The following LGSN variants were observed in gnomAD, a reference collection of about 807,000 sequenced individuals.
The protein encoded by LGSN is lengsin, lens protein with glutamine synthetase domain, also known as lengsin.
In LGSN, 21 loss-of-function variants were observed where a neutral mutation model predicts 19.5. The ratio of observed to expected loss-of-function variants is 1.07; its 90% CI spans 0.76 to 1.55. The LOEUF (loss-of-function observed/expected upper bound fraction) is 1.55, where lower values mean the gene tolerates loss of function less well. LGSN is among the 40% of genes most tolerant of loss of function. LGSN has a pLI of 0.00. For missense variants in LGSN, 673 were observed against 608.5 expected, an observed-to-expected ratio of 1.11 and a Z score of -1.12; for synonymous variants, 257 against 215.6, an observed-to-expected ratio of 1.19 and a Z score of -1.68.
intron 2 of LGSN, among the ~76,000 whole-genome samples, chr6:63,292,155 T>C (rs934811721): frequency 6.6e-6 from 1 of 152,162 alleles, no homozygotes; most frequent in South Asian, 2.1e-4. Flanking sequence ...AACTTGTAAA[T>C]GTACTGTTGC....
At chr6:63,480,940 G>GAGATATATATAT in the LGSN span, among the ~76,000 whole-genome samples, 209 of 59,812 alleles carry the variant, frequency 3.5e-3, 14 homozygotes, top group South Asian at 6.0e-3. Context: ...TAAAGAAAAT[G>GAGATATATATAT]ATATATATAT....
the LGSN span, among the ~76,000 whole-genome samples, chr6:63,435,843 TTTTC>T: frequency 1.1e-4 from 16 of 151,358 alleles, no homozygotes; most frequent in African/African-American, 3.9e-4. Flanking sequence ...TTCACGAAAG[TTTTC>T]TTTCAGTTTT....
At chr6:63,403,401 AG>A in the LGSN span, among the ~76,000 whole-genome samples, 508 of 152,244 alleles carry the variant, frequency 3.3e-3, 5 homozygotes, top group African/African-American at 0.012. Context: ...AACAGAATTT[AG>A]GGGGAAATTT....
the LGSN span, among the ~76,000 whole-genome samples, chr6:63,413,659 T>A: frequency 1.3e-5 from 2 of 152,210 alleles, no homozygotes; most frequent in Non-Finnish European, 2.9e-5. Flanking sequence ...TTCCACCCAC[T>A]ATATGTATTG....
At chr6:63,434,866 C>T in the LGSN span, among the ~76,000 whole-genome samples, 1 of 152,146 alleles carries the variant, frequency 6.6e-6, no homozygotes, top group Non-Finnish European at 1.5e-5. Context: ...AGGAAAGGTA[C>T]ATCATGAGAA....
chr6:63,562,031 A>G, the LGSN span, among the ~76,000 whole-genome samples: 6 of 152,220 alleles, frequency 3.9e-5, no homozygotes, highest in African/African-American at 1.4e-4. Flanking sequence ...GGAAGTTATA[A>G]ATAAAAAATT....
At chr6:63,358,649 A>G in the LGSN span, among the ~76,000 whole-genome samples, 1 of 152,182 alleles carries the variant, frequency 6.6e-6, no homozygotes, top group African/African-American at 2.4e-5. Flanking sequence ...TTATTGGTGT[A>G]TAAGAATGCT....
At chr6:63,500,976 G>A in the LGSN span, among the ~76,000 whole-genome samples, 12 of 152,116 alleles carry the variant, frequency 7.9e-5, 1 homozygote, top group Non-Finnish European at 1.3e-4. Flanking sequence ...GATCTGGCCC[G>A]GCTCAGCCTC....
chr6:63,451,191 G>T, the LGSN span, among the ~76,000 whole-genome samples: 1 of 152,072 alleles, frequency 6.6e-6, no homozygotes, highest in South Asian at 2.1e-4. Flanking sequence ...ATTCCTCAAA[G>T]ATCTAAAAAT....
the LGSN span, among the ~76,000 whole-genome samples, chr6:63,548,373 G>A: frequency 7.9e-5 from 12 of 152,242 alleles, no homozygotes; most frequent in South Asian, 4.1e-4. Flanking sequence ...GAATTTATAC[G>A]TAGAACAGGC....
chr6:63,465,652 C>T, the LGSN span, among the ~76,000 whole-genome samples: 1 of 152,090 alleles, frequency 6.6e-6, no homozygotes, highest in South Asian at 2.1e-4. Context: ...AAAATGCCAA[C>T]AATGGAGATT....
the LGSN span, among the ~76,000 whole-genome samples, chr6:63,325,764 G>A: frequency 6.6e-6 from 1 of 152,134 alleles, no homozygotes; most frequent in Admixed American, 6.5e-5. Context: ...GGTCTCGCTG[G>A]CTTCAGGAGT....
chr6:63,321,713 T>G (rs1473630146), upstream of LGSN, among the ~76,000 whole-genome samples: 1 of 152,118 alleles, frequency 6.6e-6, no homozygotes, highest in Non-Finnish European at 1.5e-5. Flanking sequence ...AATCAGTTTT[T>G]CCAAAGGAAA....
At chr6:63,406,357 C>T in the LGSN span, among the ~76,000 whole-genome samples, 42 of 151,958 alleles carry the variant, frequency 2.8e-4, no homozygotes, top group African/African-American at 9.4e-4. Flanking sequence ...CAAACTACAA[C>T]TCAGGATTAA....
At chr6:63,476,449 T>C in the LGSN span, among the ~76,000 whole-genome samples, 2 of 152,210 alleles carry the variant, frequency 1.3e-5, no homozygotes, top group African/African-American at 4.8e-5. Context: ...AATTGAGCAA[T>C]TCTCTTTAGA....
chr6:63,469,531 C>T, the LGSN span, among the ~76,000 whole-genome samples: 1 of 151,842 alleles, frequency 6.6e-6, no homozygotes, highest in Non-Finnish European at 1.5e-5. Flanking sequence ...AAGAAGATTG[C>T]CTATTGAAAA....
At chr6:63,383,658 C>G in the LGSN span, among the ~76,000 whole-genome samples, 1 of 152,064 alleles carries the variant, frequency 6.6e-6, no homozygotes, top group Non-Finnish European at 1.5e-5. Context: ...ACAGACAAGT[C>G]ATATACTAGA....
chr6:63,491,025 A>G, the LGSN span, among the ~76,000 whole-genome samples: 1 of 152,088 alleles, frequency 6.6e-6, no homozygotes, highest in South Asian at 2.1e-4. Flanking sequence ...ACAGTGGTGA[A>G]GGTGGATCTT....
At chr6:63,555,420 A>G in the LGSN span, among the ~76,000 whole-genome samples, 1 of 152,366 alleles carries the variant, frequency 6.6e-6, no homozygotes, top group African/African-American at 2.4e-5. Flanking sequence ...CTGATGGCCA[A>G]AAAGTATCTC....
Sources: allele counts gnomAD v4.1 joint callset (sites outside exome capture counted in the v4.1 genomes callset), GRCh38; gene constraint gnomAD v4.1.1; transcripts MANE v1.5; gene names NCBI Gene and HGNC (gene_info 2026-07-23, HGNC 2026-07-21).